The following BTK variants were observed in gnomAD, a reference collection of about 807,000 sequenced individuals.
BTK encodes the protein Bruton tyrosine kinase, also known as tyrosine-protein kinase BTK.
In BTK, 5 loss-of-function variants were observed where a neutral mutation model predicts 57.4. The observed-to-expected ratio is 0.09, with a 90% CI of 0.05 to 0.18. BTK has a LOEUF of 0.18. Ranked by LOEUF, BTK falls within the 10% of genes least tolerant of loss-of-function variation. The probability of loss-of-function intolerance (pLI) is 1.00; values close to 1 mark genes in which losing one functional copy is unlikely to be tolerated. For synonymous variants in BTK, 154 were observed against 174.3 expected (o/e 0.88, Z 0.92); for missense variants, 194 against 501.2 (o/e 0.39, Z 5.85).
In BTK at chrX:101,353,236, A is replaced by G; in HGVS notation, c.1866T>C (p.Ala622=). The G allele has an allele frequency of 3.3e-6, 4 of 1,210,884 alleles. No homozygotes were observed. The highest frequency in any genetic ancestry group is 4.5e-6 in the Non-Finnish European group (4 of 894,971). ...QGLRLYRPHL[A]SEKVYTIMYS... ...ACATGATGGTATATACCTTCTCTGA[A>G]GCCAGATGAGGCCTGTAGAGACGTA... Residue 622 remains alanine (A), a synonymous_variant, in exon 18 of 19, where the codon GCT becomes GCC. Transcript: ENST00000308731.
intron 1 of BTK, among the ~76,000 whole-genome samples, chrX:101,380,110 A>T (rs1021125290): frequency 3.6e-5 from 4 of 110,717 alleles, no homozygotes; most frequent in Admixed American, 1.9e-4. Flanking sequence ...GATCAAATAT[A>T]CCTTCTATTT....
At chrX:101,354,446 TA>T (rs1205611601) in intron 16 of BTK, among the ~76,000 whole-genome samples, 183 bp downstream of exon 16, 2 of 108,976 alleles carry the variant, frequency 1.8e-5, no homozygotes, top group Non-Finnish European at 3.8e-5. Context: ...GATATGACAA[TA>T]AAACAAAAGG....
At chrX:101,367,145 G>A in intron 5 of BTK, among the ~76,000 whole-genome samples, 1 of 109,556 alleles carries the variant, frequency 9.1e-6, no homozygotes, top group Non-Finnish European at 1.9e-5. Flanking sequence ...TCGGGAGGCT[G>A]AGGGAGGAGA....
chrX:101,364,672 A>C (rs1373652736), intron 5 of BTK, among the ~76,000 whole-genome samples: 1 of 109,829 alleles, frequency 9.1e-6, no homozygotes, highest in Non-Finnish European at 1.9e-5. Context: ...CCTCTTCACC[A>C]GTGTACCAAG....
At chrX:101,352,998 G>A (rs1217332644) in intron 18 of BTK, 196 bp downstream of exon 18, 12 of 415,335 alleles carry the variant, frequency 2.9e-5, no homozygotes, top group Middle Eastern at 6.6e-4. Flanking sequence ...TCTGGGAGGC[G>A]AAGGTTGCAG....
intron 14 of BTK, 115 bp from the exon 15 acceptor site, chrX:101,356,383 A>G (rs1926483125): frequency 1.6e-6 from 1 of 612,941 alleles, no homozygotes; most frequent in South Asian, 2.7e-5. Flanking sequence ...GGGTCACACC[A>G]GCAAGTTTAT....
upstream of BTK, chrX:101,390,719 A>G (rs1457629322): frequency 6.6e-5 from 30 of 457,449 alleles, no homozygotes; most frequent in Non-Finnish European, 1.1e-4. Context: ...GGGAGGCCAG[A>G]GGATCTGGGA....
At position 101,357,490 on chromosome X, in the gene BTK, C is replaced by T. The variant is rs782613871; in HGVS notation, c.1177+19G>A. On this transcript the variant is annotated intron_variant, in intron 13 of 18. Coordinates refer to ENST00000308731, the MANE Select transcript of BTK (RefSeq NM_000061.3). Reference sequence around the variant, plus strand: ...TGCAACTGGCCAGTCCACCCTACCCCAGAGAAATAAGGAGTTACCGTATCC... The same window carrying T: ...TGCAACTGGCCAGTCCACCCTACCCTAGAGAAATAAGGAGTTACCGTATCC... 1 of 1,204,763 alleles carries T rather than the reference C, an allele frequency of 8.3e-7. No individual in the cohort carries two copies. The highest frequency in any genetic ancestry group is 1.1e-6 in the Non-Finnish European group (1 of 889,341).
At chrX:101,372,255 C>T (rs1404513372) in intron 3 of BTK, among the ~76,000 whole-genome samples, 21 of 111,659 alleles carry the variant, frequency 1.9e-4, no homozygotes, top group Non-Finnish European at 3.2e-4. Context: ...AACTGAAAAA[C>T]ATTTTCAACA....
At chrX:101,371,768 C>T (rs1603017619) in intron 3 of BTK, 67 bp from the exon 4 acceptor site, 1 of 938,308 alleles carries the variant, frequency 1.1e-6, no homozygotes, top group East Asian at 3.1e-5. Context: ...TCCTTAGGTA[C>T]TAGAAGCCTT....
intron 18 of BTK, among the ~76,000 whole-genome samples, chrX:101,351,877 C>T (rs1390364517): frequency 8.9e-6 from 1 of 111,828 alleles, no homozygotes; most frequent in African/African-American, 3.2e-5. Flanking sequence ...AAAAAAATCT[C>T]ATTTAGCCGG....
At chrX:101,353,807 G>T in intron 17 of BTK, 63 bp downstream of exon 17, 1 of 946,946 alleles carries the variant, frequency 1.1e-6, no homozygotes, top group Non-Finnish European at 1.5e-6. Flanking sequence ...TGCAAAGTGT[G>T]AATTTTCCCA....
At chrX:101,354,484 G>A in intron 16 of BTK, 146 bp downstream of exon 16, 7 of 630,955 alleles carry the variant, frequency 1.1e-5, no homozygotes, top group Non-Finnish European at 1.8e-5. Flanking sequence ...AAATAACTCA[G>A]AGGAAGAAAA....
intron 13 of BTK, 70 bp from the exon 14 acceptor site, chrX:101,357,025 C>G: frequency 1.8e-6 from 2 of 1,117,818 alleles, no homozygotes; most frequent in Non-Finnish European, 2.5e-6. Context: ...ACAAAAATCC[C>G]TACTGGGGTA....
At chrX:101,380,427 T>C (rs1439905450) in intron 1 of BTK, among the ~76,000 whole-genome samples, 2 of 111,782 alleles carry the variant, frequency 1.8e-5, no homozygotes, top group East Asian at 5.6e-4. Flanking sequence ...CTTTGTTTTA[T>C]ATTATGAAAT....
chrX:101,373,975 G>C (rs1318973823), intron 3 of BTK, among the ~76,000 whole-genome samples: 6 of 110,410 alleles, frequency 5.4e-5, no homozygotes, highest in Non-Finnish European at 9.5e-5. Context: ...AACCCGGGAG[G>C]TGAAGGTTGC....
chrX:101,367,955 A>T (rs1926915231), intron 5 of BTK, among the ~76,000 whole-genome samples: 1 of 111,892 alleles, frequency 8.9e-6, no homozygotes, highest in Non-Finnish European at 1.9e-5. Flanking sequence ...GAACTAAAGA[A>T]GTACAAGTAT....
chrX:101,367,560 C>T (rs1484325240), intron 5 of BTK, among the ~76,000 whole-genome samples: 1 of 108,632 alleles, frequency 9.2e-6, no homozygotes, highest in African/African-American at 3.4e-5. Context: ...CGCTTGAACT[C>T]GGGAGGCGGA....
At chrX:101,363,708 CAA>C (rs1377147835) in intron 5 of BTK, among the ~76,000 whole-genome samples, 4 of 47,898 alleles carry the variant, frequency 8.4e-5, no homozygotes, top group Non-Finnish European at 9.0e-5. Context: ...TCTGTCTCAA[CAA>C]AAAAAAAAAA....
Sources: allele counts gnomAD v4.1 joint callset (sites outside exome capture counted in the v4.1 genomes callset), GRCh38; gene constraint gnomAD v4.1.1; transcripts MANE v1.5; gene names NCBI Gene and HGNC (gene_info 2026-07-23, HGNC 2026-07-21).